CDH23: variants seen among roughly 807,000 people sequenced by gnomAD.
CDH23 encodes the protein cadherin related 23, also known as cadherin-23.
In CDH23, 189 loss-of-function variants were observed where a neutral mutation model predicts 317.1. The ratio of observed to expected loss-of-function variants is 0.60; its 90% CI spans 0.53 to 0.67. The LOEUF is 0.67. CDH23 is among the 30% of genes least tolerant of loss of function. The pLI, the probability that CDH23 is intolerant of heterozygous loss-of-function variation, is 0.00. For missense variants in CDH23, 4,401 were observed against 4,592.4 expected, an observed-to-expected ratio of 0.96 and a Z score of 1.20; for synonymous variants, 1,839 against 1,876.8, an observed-to-expected ratio of 0.98 and a Z score of 0.52.
chr10:71,652,846 G>T (rs1028698007), intron 14 of CDH23, among the ~76,000 whole-genome samples: 1 of 152,164 alleles, frequency 6.6e-6, no homozygotes, highest in African/African-American at 2.4e-5. Flanking sequence ...TGAACCTCTG[G>T]GTCCCAGTGA....
chr10:71,666,717 G>A lies in CDH23; in HGVS notation c.1450-8395G>A, dbSNP rs1324543387. ...CAGCACTATGGGAGGGAAGGAAAAA[G>A]GGCCTCGGGGGCCCCAGCAGGCATG... On this transcript the variant is annotated intron_variant, in intron 14 of 69. Transcript: ENST00000224721. Among the ~76,000 whole-genome samples the A allele has an allele frequency of 2.0e-5, 3 of 152,128 alleles. No homozygotes were observed. In the East Asian group the frequency reaches 5.8e-4, roughly 29 times the overall value.
chr10:71,808,833 C>G (rs1036153626), intron 60 of CDH23, among the ~76,000 whole-genome samples: 1 of 152,202 alleles, frequency 6.6e-6, no homozygotes, highest in Non-Finnish European at 1.5e-5. Context: ...GGCCTGCTCT[C>G]TCCCATTCTC....
chr10:71,761,445 C>A (rs779210286), intron 38 of CDH23, among the ~76,000 whole-genome samples: 1 of 152,176 alleles, frequency 6.6e-6, no homozygotes, highest in Non-Finnish European at 1.5e-5. Context: ...CTCCACACAC[C>A]CTTGACCACC....
chr10:71,566,552 A>G (rs1183554179), intron 6 of CDH23, among the ~76,000 whole-genome samples, 190 bp from the exon 7 acceptor site: 1 of 152,210 alleles, frequency 6.6e-6, no homozygotes, highest in Non-Finnish European at 1.5e-5. Context: ...GGAGGCCATC[A>G]AAAAATGAAG....
intron 2 of CDH23, among the ~76,000 whole-genome samples, chr10:71,440,462 A>G (rs1849823054): frequency 7.6e-6 from 1 of 132,304 alleles, no homozygotes; most frequent in South Asian, 2.4e-4. Flanking sequence ...AGGGGACAGG[A>G]GAAACCCAGC....
intron 6 of CDH23, among the ~76,000 whole-genome samples, chr10:71,513,221 G>T (rs1854093180): frequency 6.6e-6 from 1 of 152,180 alleles, no homozygotes; most frequent in Non-Finnish European, 1.5e-5. Context: ...GCTTGGGGCT[G>T]CTCAGTGTGG....
At chr10:71,509,965 G>T (rs1298713825) in intron 3 of CDH23, 117 bp from the exon 4 acceptor site, 17 of 1,170,804 alleles carry the variant, frequency 1.5e-5, no homozygotes, top group Non-Finnish European at 2.0e-5. Flanking sequence ...TCTGTGGCCT[G>T]CTGGAGGATT....
chr10:71,441,629 C>G (rs1849884430), intron 2 of CDH23, among the ~76,000 whole-genome samples: 1 of 151,304 alleles, frequency 6.6e-6, no homozygotes, highest in South Asian at 2.1e-4. Flanking sequence ...GGCTGAGGCA[C>G]AAGAATCGCT....
chr10:71,560,209 G>A (rs918017175), intron 6 of CDH23, among the ~76,000 whole-genome samples: 13 of 152,164 alleles, frequency 8.5e-5, no homozygotes, highest in African/African-American at 2.4e-4. Context: ...AACAGAAACC[G>A]AAGTGCAGAT....
intron 11 of CDH23, among the ~76,000 whole-genome samples, chr10:71,635,498 C>G (rs953140599): frequency 3.3e-5 from 5 of 152,114 alleles, no homozygotes; most frequent in African/African-American, 1.2e-4. Flanking sequence ...TCATTTGGAG[C>G]AGAGATAAGC....
chr10:71,484,060 C>A (rs754500070), intron 3 of CDH23, among the ~76,000 whole-genome samples: 2 of 152,296 alleles, frequency 1.3e-5, no homozygotes, highest in East Asian at 3.9e-4. Flanking sequence ...ACGGCCACAG[C>A]GTGCAGCTGT....
intron 14 of CDH23, among the ~76,000 whole-genome samples, chr10:71,663,764 C>T (rs1863773005): frequency 1.3e-5 from 2 of 152,204 alleles, no homozygotes; most frequent in Non-Finnish European, 2.9e-5. Context: ...AGCATTACTA[C>T]TATTTTTGCA....
intron 9 of CDH23, among the ~76,000 whole-genome samples, chr10:71,580,687 G>C (rs1363715200): frequency 6.6e-6 from 1 of 152,150 alleles, no homozygotes; most frequent in Non-Finnish European, 1.5e-5. Flanking sequence ...ACACGTGCAG[G>C]GTGGCCTTAG....
intron 19 of CDH23, among the ~76,000 whole-genome samples, chr10:71,688,003 AT>A (rs1266252508): frequency 6.6e-6 from 1 of 152,238 alleles, no homozygotes; most frequent in Admixed American, 6.5e-5. Context: ...ATAATGATCC[AT>A]GATTAATTAA....
chr10:71,799,913 A>G (rs1841511423), intron 52 of CDH23, among the ~76,000 whole-genome samples: 1 of 152,208 alleles, frequency 6.6e-6, no homozygotes, highest in East Asian at 1.9e-4. Flanking sequence ...CACACTAAAA[A>G]AGCATGATTG....
chr10:71,590,078 C>T (rs2086683820), intron 9 of CDH23, among the ~76,000 whole-genome samples: 1 of 152,234 alleles, frequency 6.6e-6, no homozygotes, highest in Non-Finnish European at 1.5e-5. Context: ...CTTGAGCGGG[C>T]TGCCACAGGC....
Position 71,532,263 on chromosome 10 carries a change from G to A in CDH23, c.429+21051G>A, listed in dbSNP as rs185694562. Among the ~76,000 whole-genome samples the A allele has an allele frequency of 1.1e-4, 16 of 152,326 alleles. No individual in the cohort carries two copies. The East Asian group carries it at 2.5e-3, about 24-fold the overall frequency. On this transcript the variant is annotated intron_variant, in intron 6 of 69. Coordinates refer to ENST00000224721, the MANE Select transcript of CDH23 (RefSeq NM_022124.6). ...ACTTGTTCCTCTGTAGCTGTCACAC[G>A]TCTTCAGTTCATTACAGCCCCATCT...
intron 57 of CDH23, among the ~76,000 whole-genome samples, chr10:71,806,510 T>C (rs1407850786): frequency 6.7e-6 from 1 of 149,288 alleles, no homozygotes; most frequent in Non-Finnish European, 1.5e-5. Context: ...GCCTGACTCA[T>C]GGAGCTGATA....
intron 1 of CDH23, among the ~76,000 whole-genome samples, chr10:71,399,488 G>A (rs1035772915): frequency 3.3e-5 from 5 of 152,194 alleles, no homozygotes; most frequent in Admixed American, 6.5e-5. Flanking sequence ...TGCTAGGCTC[G>A]GATTAATAGT....
Sources: allele counts gnomAD v4.1 joint callset (sites outside exome capture counted in the v4.1 genomes callset), GRCh38; gene constraint gnomAD v4.1.1; transcripts MANE v1.5; gene names NCBI Gene and HGNC (gene_info 2026-07-23, HGNC 2026-07-21).